The following DMXL2 variants were observed in gnomAD, a reference collection of about 807,000 sequenced individuals.
The protein encoded by DMXL2 is Dmx like 2, also known as dmX-like protein 2.
DMXL2 carries 103 observed loss-of-function variants against 331.1 expected under a neutral mutation model. The observed-to-expected ratio is 0.31, with a 90% CI of 0.27 to 0.37. The LOEUF (loss-of-function observed/expected upper bound fraction) is 0.37. Ranked by LOEUF, DMXL2 falls within the 10% of genes least tolerant of loss-of-function variation. The pLI, the probability that DMXL2 is intolerant of heterozygous loss-of-function variation, is 1.00. For missense variants in DMXL2, 3,171 were observed against 3,642.9 expected (o/e 0.87, Z 3.33); for synonymous variants, 1,281 against 1,252.1 (o/e 1.02, Z -0.49).
Position 51,486,070 on chromosome 15 carries a change from T to A in DMXL2, c.5482+3A>T. ...AAAAAAAGAAATCCACAAAACGTCC[T>A]ACCTTGATGTTCATCATCCTCCTTT... is the stretch of plus-strand genomic sequence containing the variant. On this transcript the variant is annotated splice_donor_region_variant and intron_variant, in intron 23 of 43. Transcript: ENST00000560891. 1 of 1,573,542 alleles carries A rather than the reference T, an allele frequency of 6.4e-7. No homozygotes were observed.
intron 1 of DMXL2, among the ~76,000 whole-genome samples, chr15:51,617,358 C>T (rs12708427): frequency 0.81 from 123,960 of 152,144 alleles, 50,860 homozygotes; most frequent in East Asian, 0.99. Context: ...AGGCAACTAT[C>T]ATCTGCCAGG....
rs771279023 is a variant in DMXL2, at chr15:51,536,591, T to A, written c.1889A>T (p.Asp630Val). 7 of 1,614,090 alleles carry A rather than the reference T, an allele frequency of 4.3e-6. No homozygotes were observed. Among genetic ancestry groups the A allele is most frequent in the Non-Finnish European group, 5.9e-6 (7 of 1,179,982 alleles). Residue 630 changes from aspartate (D) to valine (V), a missense_variant, in exon 12 of 44, where the codon GAT (aspartate) becomes GTT (valine). By Grantham distance (152) the Asp-to-Val change is radical (BLOSUM62 -3). Around this residue, in one of 7 missense-constraint regions of DMXL2, gnomAD observed 1,674 missense variants for 1,780.2 expected, o/e 0.94. Transcript: ENST00000560891. ...TAGAACAGTGGTAAAGGCAGACTTA[T>A]CAGCAAAAGTGACTGCCCACTGATT... ...SLNQWAVTFA[D>V]KSAFTTVLTV...
rs1469637709 is a variant in DMXL2, at chr15:51,537,627, C to T, written c.1478G>A (p.Arg493Gln). 29 of 1,613,648 alleles carry T rather than the reference C, an allele frequency of 1.8e-5. No homozygotes were observed. The African/African-American group carries it at 1.9e-4, about 10-fold the overall frequency. The stretch of plus-strand genomic sequence containing the variant: ...TTCAGTTAGCAGCGTTTCAATCTTC[C>T]GATCAAGCAGAACCGTAGGCAGTGG... Reference protein sequence around the residue: ...PMPLPTVLLDRKIETLLTEWN... With the variant: ...PMPLPTVLLDQKIETLLTEWN... Residue 493 changes from arginine (R) to glutamine (Q), a missense_variant, in exon 11 of 44, where the codon CGG becomes CAG. By Grantham distance (43) the Arg-to-Gln change is conservative (BLOSUM62 1). Around this residue, in one of 7 missense-constraint regions of DMXL2, gnomAD observed 1,674 missense variants for 1,780.2 expected, o/e 0.94. Transcript: ENST00000560891.
At chr15:51,475,976 T>C (rs933818699) in intron 27 of DMXL2, among the ~76,000 whole-genome samples, 1 of 152,212 alleles carries the variant, frequency 6.6e-6, no homozygotes, top group Non-Finnish European at 1.5e-5. Context: ...TTTAGTATTA[T>C]GTTTGCAATT....
At chr15:51,488,783 T>C in intron 20 of DMXL2, 138 bp from the exon 21 acceptor site, 1 of 633,396 alleles carries the variant, frequency 1.6e-6, no homozygotes, top group Non-Finnish European at 2.7e-6. Context: ...TTTCACAATC[T>C]CCAGTAGGTT....
chr15:51,451,664 G>T lies in DMXL2; in HGVS notation c.8730C>A (p.Pro2910=). 6.2e-7 allele frequency: 1 copy of T among 1,612,424 alleles called. No individual in the cohort carries two copies. Among genetic ancestry groups the T allele is most frequent in the Non-Finnish European group, 8.5e-7 (1 of 1,179,088 alleles). The change falls in exon 42 of 44, where the codon CCC becomes CCA. Residue 2910 remains proline, a synonymous_variant. Transcript: ENST00000560891. ...ACTCACCATGAATGAGGCTGTTTCCGGGTGATATTAATGTGTCCCAGAGGC... is the reference window on the plus strand; with the variant it reads ...ACTCACCATGAATGAGGCTGTTTCCTGGTGATATTAATGTGTCCCAGAGGC... ...NVCLWDTLIS[P]GNSLIHGFTC...
At chr15:51,503,955 T>C (rs2043869490) in intron 16 of DMXL2, among the ~76,000 whole-genome samples, 1 of 152,152 alleles carries the variant, frequency 6.6e-6, no homozygotes, top group Non-Finnish European at 1.5e-5. Context: ...TTTTACTCTT[T>C]CTTAGCACCA....
At chr15:51,569,596 C>G (rs536363471) in intron 2 of DMXL2, among the ~76,000 whole-genome samples, 1 of 152,072 alleles carries the variant, frequency 6.6e-6, no homozygotes, top group Admixed American at 6.5e-5. Flanking sequence ...CGGCATCTGG[C>G]GGGTGCCCTT....
At chr15:51,614,791 A>G (rs899148737) in intron 1 of DMXL2, among the ~76,000 whole-genome samples, 3 of 152,172 alleles carry the variant, frequency 2.0e-5, no homozygotes, top group East Asian at 1.9e-4. Flanking sequence ...TCTGAGTGGA[A>G]AAAAAAGCCA....
intron 8 of DMXL2, among the ~76,000 whole-genome samples, chr15:51,545,177 G>T (rs1026821445): frequency 6.6e-6 from 1 of 151,870 alleles, no homozygotes; most frequent in Admixed American, 6.6e-5. Context: ...TTTTTAACTA[G>T]AACAATAAGA....
At chr15:51,622,372 T>C (rs1446792763) in intron 1 of DMXL2, 87 bp downstream of exon 1, 8 of 1,525,318 alleles carry the variant, frequency 5.2e-6, no homozygotes, top group Non-Finnish European at 7.1e-6. Context: ...CACAGCCTCC[T>C]GAGGAGGCGT....
Position 51,536,228 on chromosome 15 carries a change from A to G in DMXL2, c.2252T>C (p.Leu751Ser), listed in dbSNP as rs2048280320. The G allele has an allele frequency of 1.2e-6, 2 of 1,613,490 alleles. No homozygotes were observed. The highest frequency in any genetic ancestry group is 1.7e-6 in the Non-Finnish European group (2 of 1,179,708). ...GVSELARINS[L>S]HTSAFSNVAW... ...CACATTAGAGAACGCTGAGGTATGT[A>G]AAGAGTTAATTCGAGCCAATTCTGA... The change falls in exon 12 of 44, where the codon TTA (leucine) becomes TCA (serine). Residue 751 changes from leucine (L) to serine (S), a missense_variant. Transcript: ENST00000560891.
chr15:51,495,474 AT>A (rs2043108647), intron 18 of DMXL2, among the ~76,000 whole-genome samples: 1 of 152,158 alleles, frequency 6.6e-6, no homozygotes, highest in Non-Finnish European at 1.5e-5. Context: ...TTTTAATAAT[AT>A]TTTCTACATG....
chr15:51,514,489 T>C lies in DMXL2; in HGVS notation c.2597A>G (p.Glu866Gly). ...DFIIGYKPHK[E>G]DMEKKETEIF... ...TTCTGTTTCCTTTTTCTCCATATCTTCCTTATGTGGTTTATATCCTATAAT... is the reference window on the plus strand; with the variant it reads ...TTCTGTTTCCTTTTTCTCCATATCTCCCTTATGTGGTTTATATCCTATAAT... The change falls in exon 15 of 44, where the codon GAA (glutamate) becomes GGA (glycine). Residue 866 changes from glutamate to glycine, a missense_variant. Glu to Gly is a moderately conservative substitution (Grantham distance 98). Around this residue, in one of 7 missense-constraint regions of DMXL2, gnomAD observed 1,674 missense variants for 1,780.2 expected, o/e 0.94. Transcript: ENST00000560891. 3 of 1,596,320 alleles carry C rather than the reference T, an allele frequency of 1.9e-6. No homozygotes were observed. Among genetic ancestry groups the C allele is most frequent in the Non-Finnish European group, 2.6e-6 (3 of 1,171,190 alleles).
chr15:51,573,758 G>C (rs1042129892), intron 2 of DMXL2, among the ~76,000 whole-genome samples: 14 of 151,886 alleles, frequency 9.2e-5, no homozygotes, highest in African/African-American at 3.4e-4. Context: ...TGGGTTGATG[G>C]GTGCAGCAAA....
intron 1 of DMXL2, among the ~76,000 whole-genome samples, chr15:51,595,499 A>G (rs2141272692): frequency 6.6e-6 from 1 of 152,350 alleles, no homozygotes. Context: ...ATACTGCCCA[A>G]GGTAATTTAT....
rs1476984117 is a variant in DMXL2 at position 51,448,884 on chromosome 15, TTC to T, written c.*98_*99del. 3 of 1,177,110 alleles carry T rather than the reference TTC, an allele frequency of 2.5e-6. No individual in the cohort carries two copies. The highest frequency in any genetic ancestry group is 1.5e-5 in the African/African-American group (1 of 65,106). The allele number at this position is 1,177,110 out of a possible 1,614,324, so 72.9% of individuals were successfully genotyped here. Reference sequence around the variant, plus strand: ...GTCATATTCAAATTCTACACAGAGATTCTCTGTTTTCAATACAACTGCTTAGA... The same window carrying T: ...GTCATATTCAAATTCTACACAGAGATTCTGTTTTCAATACAACTGCTTAGA... On this transcript the variant is annotated 3_prime_UTR_variant, in exon 44 of 44. Transcript: ENST00000560891.
At chr15:51,495,877 G>T (rs1251135521) in intron 18 of DMXL2, among the ~76,000 whole-genome samples, 2 of 151,600 alleles carry the variant, frequency 1.3e-5, no homozygotes, top group African/African-American at 2.4e-5. Context: ...AATTGCCAAA[G>T]ATCAAGCCCC....
intron 42 of DMXL2, 72 bp from the exon 43 acceptor site, chr15:51,450,418 C>T (rs1337451708): frequency 1.5e-6 from 2 of 1,373,250 alleles, no homozygotes; most frequent in Non-Finnish European, 2.1e-6. Flanking sequence ...TCTACATCCA[C>T]ATTTAAATAC....
Sources: gnomAD v4.1 joint callset for allele counts (sites outside exome capture counted in the v4.1 genomes callset) on GRCh38, gnomAD v4.1.1 for gene constraint, gnomAD v4.1.1 regional missense constraint, MANE v1.5 for transcripts, NCBI Gene and HGNC (gene_info 2026-07-23, HGNC 2026-07-21) for gene names.